Variants in TNR observed in about 807,000 individuals in gnomAD.
TNR encodes the protein tenascin R.
A neutral mutation model predicts 150.4 loss-of-function variants in TNR; 45 were observed. The ratio of observed to expected loss-of-function variants is 0.30; its 90% CI spans 0.24 to 0.38. The LOEUF is 0.38. TNR is among the 10% of genes least tolerant of loss of function. The pLI is 1.00. For missense variants in TNR, 1,544 were observed against 1,759.1 expected (o/e 0.88, Z 2.19); for synonymous variants, 687 against 678.4 (o/e 1.01, Z -0.20).
chr1:175,451,219 TGTTTTTA>T (rs1656300478), intron 2 of TNR, among the ~76,000 whole-genome samples: 4 of 106,272 alleles, frequency 3.8e-5, no homozygotes, highest in Admixed American at 9.3e-5. Context: ...TTTTTTTTAA[TGTTTTTA>T]TTTTTTTATT....
chr1:175,330,914 C>T (rs1649716429), intron 20 of TNR, among the ~76,000 whole-genome samples: 1 of 152,202 alleles, frequency 6.6e-6, no homozygotes, highest in South Asian at 2.1e-4. Flanking sequence ...CTCTAAACTT[C>T]CCAGGCCTTG....
chr1:175,472,554 C>T (rs1206929341), intron 2 of TNR, among the ~76,000 whole-genome samples: 1 of 152,154 alleles, frequency 6.6e-6, no homozygotes, highest in Non-Finnish European at 1.5e-5. Context: ...ATGCATTGGG[C>T]TACAACATCA....
intron 1 of TNR, among the ~76,000 whole-genome samples, chr1:175,595,470 A>G (rs1662971811): frequency 6.6e-6 from 1 of 152,194 alleles, no homozygotes; most frequent in African/African-American, 2.4e-5. Flanking sequence ...GTCATCAAAA[A>G]TTGCCTTGTG....
intron 1 of TNR, among the ~76,000 whole-genome samples, chr1:175,689,008 C>A (rs543933610): frequency 9.2e-4 from 140 of 152,258 alleles, no homozygotes; most frequent in Non-Finnish European, 1.5e-3. Flanking sequence ...GGCCACTAAC[C>A]TCAGGGGGCT....
At chr1:175,595,504 C>A (rs1662973257) in intron 1 of TNR, among the ~76,000 whole-genome samples, 1 of 152,178 alleles carries the variant, frequency 6.6e-6, no homozygotes, top group East Asian at 1.9e-4. Context: ...AGTTGAACCT[C>A]TTGGATTCTT....
intron 1 of TNR, among the ~76,000 whole-genome samples, chr1:175,566,194 A>G (rs917778888): frequency 1.3e-5 from 2 of 152,314 alleles, no homozygotes; most frequent in South Asian, 4.1e-4. Flanking sequence ...TCAAAATCCA[A>G]TTAATTCATT....
chr1:175,464,890 G>A (rs191251379), intron 2 of TNR, among the ~76,000 whole-genome samples: 74 of 152,266 alleles, frequency 4.9e-4, no homozygotes, highest in African/African-American at 1.7e-3. Flanking sequence ...CCACCAGTTC[G>A]CTGCTAGAGA....
At chr1:175,511,601 C>T (rs992737451) in intron 2 of TNR, among the ~76,000 whole-genome samples, 1 of 152,212 alleles carries the variant, frequency 6.6e-6, no homozygotes, top group African/African-American at 2.4e-5. Context: ...TCTCATGACT[C>T]AAGCACATCT....
chr1:175,738,777 G>A (rs899054170), intron 1 of TNR, among the ~76,000 whole-genome samples: 1 of 152,218 alleles, frequency 6.6e-6, no homozygotes, highest in Non-Finnish European at 1.5e-5. Context: ...GCTAAGTATA[G>A]TGGTTCTTAT....
Position 175,693,835 on chromosome 1 carries a change from A to G in TNR, c.-165+49391T>C, listed in dbSNP as rs1335798064. On this transcript the variant is annotated intron_variant, in intron 1 of 22. Transcript: ENST00000367674. ...CCAGCACGAGGGATGATGAGCAATA[A>G]CTTTCTGTACAATAAAATCATGGAC... is the stretch of plus-strand genomic sequence containing the variant. Among the ~76,000 whole-genome samples, 3 of 152,234 alleles carry G rather than the reference A, an allele frequency of 2.0e-5. No individual in the cohort carries two copies. The South Asian group carries it at 6.2e-4, about 31-fold the overall frequency.
In TNR at chr1:175,335,732, C is replaced by G; in HGVS notation, c.3610G>C (p.Val1204Leu). ...WADYRVGFGN[V>L]EDEFWLGLDN... The stretch of plus-strand genomic sequence containing the variant: ...TTACCCAGCCAGAACTCATCCTCCA[C>G]GTTCCCGAAGCCAACACGGTAATCA... The change falls in exon 20 of 23, where the codon GTG becomes CTG. Residue 1204 changes from valine (V) to leucine (L), a missense_variant. By Grantham distance (32) the Val-to-Leu change is conservative (BLOSUM62 1). Around this residue, in one of 2 missense-constraint regions of TNR, gnomAD observed 290 missense variants for 429.7 expected, o/e 0.67. Transcript: ENST00000367674. The G allele has an allele frequency of 6.2e-7, 1 of 1,614,086 alleles. No individual in the cohort carries two copies. The highest frequency in any genetic ancestry group is 1.3e-5 in the African/African-American group (1 of 75,030).
chr1:175,608,891 C>T (rs888739184), intron 1 of TNR, among the ~76,000 whole-genome samples: 3 of 152,156 alleles, frequency 2.0e-5, no homozygotes, highest in African/African-American at 7.2e-5. Flanking sequence ...ATAGAAACCC[C>T]CAGGCCTGCA....
Position 175,379,647 on chromosome 1 carries a change from T to A in TNR, c.1868A>T (p.Glu623Val), listed in dbSNP as rs1456006343. The change falls in exon 9 of 23, where the codon GAG becomes GTG. Residue 623 changes from glutamate (E) to valine (V), a missense_variant. By Grantham distance (121) the Glu-to-Val change is moderately radical. Transcript: ENST00000367674. ...EWDNSEAEVQ[E>V]YKVVYSTLAG... ...CAGGGTGCTGTACACAACCTTGTACTCCTGAACTTCGGCTTCACTGTTATC... is the reference window on the plus strand; with the variant it reads ...CAGGGTGCTGTACACAACCTTGTACACCTGAACTTCGGCTTCACTGTTATC... 6.2e-7 allele frequency: 1 copy of A among 1,614,096 alleles called. No homozygotes were observed. The highest frequency in any genetic ancestry group is 8.5e-7 in the Non-Finnish European group (1 of 1,180,052).
chr1:175,366,098 C>T lies in TNR; in HGVS notation c.2094G>A (p.Ser698=), dbSNP rs1385541. Residue 698 remains serine, a synonymous_variant, in exon 11 of 23, where the codon TCG becomes TCA. Coordinates refer to ENST00000367674, the MANE Select transcript of TNR (RefSeq NM_003285.3). ...TCCAGATGAGGGAGATGGAGGTCTC[C>T]GAGGAGGCTGTCACCATGAGGTCTC... The part of the protein sequence containing the change: ...SPRDLMVTAS[S]ETSISLIWTK... The T allele has an allele frequency of 0.23, 375,835 of 1,611,750 alleles. 44,761 individuals are homozygous for T. Among genetic ancestry groups the T allele is most frequent in the Non-Finnish European group, 0.25 (291,337 of 1,178,588 alleles).
At chr1:175,429,972 T>C (rs1023793363) in intron 2 of TNR, among the ~76,000 whole-genome samples, 1 of 151,960 alleles carries the variant, frequency 6.6e-6, no homozygotes, top group Admixed American at 6.6e-5. Context: ...TCACAGTACT[T>C]TGTGCAACTT....
chr1:175,444,169 A>G (rs1655923737), intron 2 of TNR, among the ~76,000 whole-genome samples: 1 of 152,222 alleles, frequency 6.6e-6, no homozygotes, highest in African/African-American at 2.4e-5. Context: ...ACCAGCATAC[A>G]AAGCCGAGGC....
chr1:175,400,148 C>T lies in TNR; in HGVS notation c.976+2992G>A, dbSNP rs182375112. Among the ~76,000 whole-genome samples the T allele has an allele frequency of 9.6e-4, 146 of 152,360 alleles. 3 individuals carry two copies. Among genetic ancestry groups the T allele is most frequent in the Middle Eastern group, 3.4e-3 (1 of 294 alleles). The stretch of plus-strand genomic sequence containing the variant: ...AGATGTGGACAAATGGTTGAATGTG[C>T]TTTTCCACCCTACCTCTGACGTCTC... On this transcript the variant is annotated intron_variant, in intron 4 of 22. Coordinates refer to ENST00000367674, the MANE Select transcript of TNR (RefSeq NM_003285.3).
At chr1:175,390,831 T>A (rs1032288779) in intron 7 of TNR, among the ~76,000 whole-genome samples, 1 of 152,254 alleles carries the variant, frequency 6.6e-6, no homozygotes, top group Non-Finnish European at 1.5e-5. Context: ...CCCATCCTCA[T>A]ATTAACTTAA....
chr1:175,612,370 G>A (rs1663625496), intron 1 of TNR, among the ~76,000 whole-genome samples: 1 of 152,170 alleles, frequency 6.6e-6, no homozygotes. Flanking sequence ...TGCAAAGGCA[G>A]CCCCTTGTCT....
Sources: gnomAD v4.1 joint callset for allele counts (sites outside exome capture counted in the v4.1 genomes callset) on GRCh38, gnomAD v4.1.1 for gene constraint, gnomAD v4.1.1 regional missense constraint, MANE v1.5 for transcripts, NCBI Gene and HGNC (gene_info 2026-07-23, HGNC 2026-07-21) for gene names.